LSR: variants seen among roughly 807,000 people sequenced by gnomAD.
The protein encoded by LSR is lipolysis-stimulated lipoprotein receptor.
In LSR, 44 loss-of-function variants were observed where a neutral mutation model predicts 61.8. The observed-to-expected ratio is 0.71, with a 90% CI of 0.56 to 0.91. The LOEUF is 0.91. Among genes scored for constraint, LSR ranks in the 40% least tolerant of loss-of-function variants. The pLI is 0.00. For missense variants in LSR, 911 were observed against 830.5 expected, an observed-to-expected ratio of 1.10 and a Z score of -1.19; for synonymous variants, 397 against 350.6, an observed-to-expected ratio of 1.13 and a Z score of -1.48.
At chr19:35,255,695 C>T (rs549395556) in intron 2 of LSR, among the ~76,000 whole-genome samples, 6 of 152,288 alleles carry the variant, frequency 3.9e-5, no homozygotes, top group South Asian at 2.1e-4. Context: ...TCACCATATC[C>T]GGAAGCCTTC....
chr19:35,254,547 C>T (rs1423459830), intron 2 of LSR, among the ~76,000 whole-genome samples: 1 of 152,224 alleles, frequency 6.6e-6, no homozygotes, highest in Non-Finnish European at 1.5e-5. Flanking sequence ...GTTCCACCTC[C>T]TCGGGCTCCT....
rs374060622 is a variant in LSR, at chr19:35,267,817, C to T, written c.1771-7C>T. 12 of 1,613,972 alleles carry T rather than the reference C, an allele frequency of 7.4e-6. No individual in the cohort carries two copies. Among genetic ancestry groups the T allele is most frequent in the Non-Finnish European group, 9.3e-6 (11 of 1,179,970 alleles). Reference sequence around the variant, plus strand: ...GGCTCATACCCTTCTTTCTTTCTCCCTTGCAGAACTTGGCCCTGAGTCGGG... The same window carrying T: ...GGCTCATACCCTTCTTTCTTTCTCCTTTGCAGAACTTGGCCCTGAGTCGGG... On this transcript the variant is annotated splice_polypyrimidine_tract_variant and splice_region_variant and intron_variant, in intron 9 of 9. Coordinates refer to ENST00000605618, the MANE Select transcript of LSR (RefSeq NM_205834.4).
Position 35,267,805 on chromosome 19 carries a change from C to T in LSR, c.1771-19C>T. ...GCCGGTCCCCGCGGCTCATACCCTT[C>T]TTTCTTTCTCCCTTGCAGAACTTGG... On this transcript the variant is annotated intron_variant, in intron 9 of 9. Transcript: ENST00000605618. 6.2e-7 allele frequency: 1 copy of T among 1,613,996 alleles called. No individual in the cohort carries two copies. Among genetic ancestry groups the T allele is most frequent in the African/African-American group, 1.3e-5 (1 of 75,020 alleles).
At chr19:35,258,886 T>G (rs1386776883) in intron 2 of LSR, 59 bp from the exon 3 acceptor site, 18 of 1,609,516 alleles carry the variant, frequency 1.1e-5, no homozygotes, top group Non-Finnish European at 1.4e-5. Context: ...TCTTTGGCCC[T>G]CCAGGGGTTA....
intron 2 of LSR, among the ~76,000 whole-genome samples, chr19:35,255,003 A>G (rs1185931898): frequency 6.6e-6 from 1 of 152,096 alleles, no homozygotes; most frequent in Non-Finnish European, 1.5e-5. Context: ...TGTTTATAGC[A>G]GGGACCAGCT....
chr19:35,260,256 C>G (rs530813238), intron 3 of LSR, among the ~76,000 whole-genome samples: 2 of 147,822 alleles, frequency 1.4e-5, no homozygotes, highest in Non-Finnish European at 3.0e-5. Context: ...CTATCTGTTG[C>G]TTAACATATT....
chr19:35,254,380 G>A (rs987998694), intron 2 of LSR, among the ~76,000 whole-genome samples: 1 of 152,226 alleles, frequency 6.6e-6, no homozygotes, highest in African/African-American at 2.4e-5. Context: ...ACAGATGTGA[G>A]CCACCATGCC....
Position 35,267,137 on chromosome 19 carries a change from G to C in LSR, c.1173G>C (p.Glu391Asp). 1.3e-6 allele frequency: 2 copies of C among 1,529,340 alleles called. No individual in the cohort carries two copies. Among genetic ancestry groups the C allele is most frequent in the Non-Finnish European group, 1.8e-6 (2 of 1,142,770 alleles). 94.7% of individuals were successfully genotyped at this position (1,529,340 alleles called of 1,614,324 possible). A position where few individuals can be genotyped will look rare whatever the true frequency, so the allele number is the denominator to read the frequency against. The change falls in exon 9 of 10, where the codon GAG (glutamate) becomes GAC (aspartate). Residue 391 changes from glutamate (E) to aspartate (D), a missense_variant. By Grantham distance (45) the Glu-to-Asp change is conservative (BLOSUM62 2). Coordinates refer to ENST00000605618, the MANE Select transcript of LSR (RefSeq NM_205834.4). Reference sequence around the variant, plus strand: ...TGAGTGAAGTCACCTCCCTCCACGAGGACGACTGGCGATCTCGGCCTTCCC... The same window carrying C: ...TGAGTGAAGTCACCTCCCTCCACGACGACGACTGGCGATCTCGGCCTTCCC... Reference protein sequence around the residue: ...RAMSEVTSLHEDDWRSRPSRG... With the variant: ...RAMSEVTSLHDDDWRSRPSRG...
At chr19:35,257,192 C>A (rs1248281608) in intron 2 of LSR, among the ~76,000 whole-genome samples, 1 of 152,132 alleles carries the variant, frequency 6.6e-6, no homozygotes, top group African/African-American at 2.4e-5. Flanking sequence ...ACTGGGGACC[C>A]AGCAGTGGCT....
At position 35,267,302 on chromosome 19, in the gene LSR, G is replaced by C; in HGVS notation, c.1338G>C (p.Val446=). The part of the protein sequence containing the change: ...WRARRPRARS[V]DALDDLTPPS... ...CCAGGCGGCCCCGGGCCCGCTCCGT[G>C]GACGCCCTGGACGACCTCACCCCGC... Residue 446 remains valine (V), a synonymous_variant, in exon 9 of 10, where the codon GTG becomes GTC. Transcript: ENST00000605618. 3 of 1,543,276 alleles carry C rather than the reference G, an allele frequency of 1.9e-6. No individual in the cohort carries two copies. Among genetic ancestry groups the C allele is most frequent in the Non-Finnish European group, 2.6e-6 (3 of 1,143,690 alleles).
At chr19:35,265,409 C>T (rs2065984110) in intron 5 of LSR, among the ~76,000 whole-genome samples, 1 of 152,236 alleles carries the variant, frequency 6.6e-6, no homozygotes, top group South Asian at 2.1e-4. Context: ...CAGCCTCCGC[C>T]CACCCTTCAG....
chr19:35,262,550 G>A lies in LSR; in HGVS notation c.636G>A (p.Trp212Ter), dbSNP rs1293277544. ...GGGCCTGTTGTCTTTCTGCAGACTG[G>A]CTCTTCGTGGTTGTGGTATGCCTGG... ...PGFQAGPIEDWLFVVVVCLAA... is the reference protein window; with the variant it reads ...PGFQAGPIED The change falls in exon 5 of 10, where the codon TGG becomes TGA. Residue 212 changes from tryptophan (W) to a stop codon, truncating the protein, a stop_gained. Transcript: ENST00000605618. LOFTEE classifies it high-confidence loss of function. 1 of 1,614,082 alleles carries A rather than the reference G, an allele frequency of 6.2e-7. No individual in the cohort carries two copies. The highest frequency in any genetic ancestry group is 8.5e-7 in the Non-Finnish European group (1 of 1,180,040).
chr19:35,249,131 G>A lies in LSR; in HGVS notation c.109G>A (p.Ala37Thr), dbSNP rs2065756363. 1 of 1,536,474 alleles carries A rather than the reference G, an allele frequency of 6.5e-7. No individual in the cohort carries two copies. The highest frequency in any genetic ancestry group is 8.7e-7 in the Non-Finnish European group (1 of 1,144,452). The change falls in exon 1 of 10, where the codon GCT becomes ACT. Residue 37 changes from alanine (A) to threonine (T), a missense_variant and splice_region_variant. Ala to Thr is a moderately conservative substitution (Grantham distance 58, BLOSUM62 0). Coordinates refer to ENST00000605618, the MANE Select transcript of LSR (RefSeq NM_205834.4). ...VWLLLSTWCT[A>T]PARAIQVTVS... ...GCTTCTGCTTAGCACCTGGTGCACA[G>A]GTACGGGGCACGGGGCCTCTGACGC...
In LSR at chr19:35,267,730, A is replaced by G; in HGVS notation, c.1766A>G (p.Lys589Arg). 1.2e-6 allele frequency: 2 copies of G among 1,607,566 alleles called. No individual in the cohort carries two copies. Among genetic ancestry groups the G allele is most frequent in the South Asian group, 1.1e-5 (1 of 90,760 alleles). Residue 589 changes from lysine to arginine, a missense_variant, in exon 9 of 10, where the codon AAG (lysine) becomes AGG (arginine). Lys to Arg is a conservative substitution (Grantham distance 26). Coordinates refer to ENST00000605618, the MANE Select transcript of LSR (RefSeq NM_205834.4). ...CAGGCGTCCCGAGAGCGCAGGCTCA[A>G]GAAGGTGAGGGCCGCCCTCCCTGGC... Reference protein sequence around the residue: ...DSQASRERRLKKNLALSRESL... With the variant: ...DSQASRERRLRKNLALSRESL...
intron 4 of LSR, 87 bp downstream of exon 4, chr19:35,262,068 C>A (rs2065937156): frequency 8.0e-7 from 1 of 1,245,260 alleles, no homozygotes; most frequent in South Asian, 1.4e-5. Flanking sequence ...TCCCCTTCCC[C>A]ACTAAACCCT....
chr19:35,266,313 TG>T (rs1234135134), intron 5 of LSR, 45 bp from the exon 6 acceptor site: 1 of 1,498,970 alleles, frequency 6.7e-7, no homozygotes, highest in Non-Finnish European at 9.0e-7. Flanking sequence ...TGGGGCAGCC[TG>T]GCTCCTGCCT....
At chr19:35,259,264 C>T (rs1330288250) in intron 3 of LSR, 200 bp downstream of exon 3, 7 of 545,236 alleles carry the variant, frequency 1.3e-5, no homozygotes, top group East Asian at 3.4e-5. Flanking sequence ...CCCACAGTGC[C>T]TCCAATCACC....
Position 35,266,457 on chromosome 19 carries a change from G to C in LSR, c.877G>C (p.Ala293Pro). The change falls in exon 6 of 10, where the codon GCT (alanine) becomes CCT (proline). Residue 293 changes from alanine to proline, a missense_variant. Physicochemically the swap from Ala to Pro is conservative, Grantham distance 27. Coordinates refer to ENST00000605618, the MANE Select transcript of LSR (RefSeq NM_205834.4). ...TCCCGCCAAGACCCCACCCCCACCA[G>C]CTATGATTCCCATGGGCCCTGCCTA... ...LSPAKTPPPP[A>P]MIPMGPAYNG... 6.2e-7 allele frequency: 1 copy of C among 1,612,938 alleles called. No homozygotes were observed. The highest frequency in any genetic ancestry group is 8.5e-7 in the Non-Finnish European group (1 of 1,179,346).
At position 35,250,324 on chromosome 19, in the gene LSR, G is replaced by A. The variant is rs1291052049; in HGVS notation, c.119G>A (p.Arg40Lys). Residue 40 changes from arginine to lysine, a missense_variant, in exon 2 of 10, where the codon AGG (arginine) becomes AAG (lysine). Transcript: ENST00000605618. Reference protein sequence around the residue: ...LLSTWCTAPARAIQVTVSNPY... With the variant: ...LLSTWCTAPAKAIQVTVSNPY... ...CTCCTCTTGCCCTCAGCTCCTGCCA[G>A]GGCCATCCAGGTGACCGTGTCCAAC... 6.5e-7 allele frequency: 1 copy of A among 1,546,646 alleles called. No homozygotes were observed. Among genetic ancestry groups the A allele is most frequent in the East Asian group, 2.3e-5 (1 of 43,784 alleles).
Sources: gnomAD v4.1 joint callset for allele counts (sites outside exome capture counted in the v4.1 genomes callset) on GRCh38, gnomAD v4.1.1 for gene constraint, MANE v1.5 for transcripts, NCBI Gene and HGNC (gene_info 2026-07-23, HGNC 2026-07-21) for gene names.